Variants in ATG7 observed in about 807,000 individuals in gnomAD.
ATG7 encodes the protein ubiquitin-like modifier-activating enzyme ATG7.
Under a neutral mutation model 82.4 loss-of-function variants are expected in ATG7, and 70 were observed. That is an observed-to-expected ratio of 0.85 (90% CI 0.70 to 1.04). ATG7 has a LOEUF of 1.04. ATG7 is among the 50% of genes least tolerant of loss of function. ATG7 has a pLI of 0.00. For missense variants in ATG7, 792 were observed against 864.3 expected (o/e 0.92, Z 1.05); for synonymous variants, 287 against 313.0 (o/e 0.92, Z 0.88).
chr3:11,423,480 C>T lies in ATG7; in HGVS notation c.1957-3324C>T, dbSNP rs540102708. ...TTGCCACAACTTTCAATTTTTTTTT[C>T]TTTTGTAATCACTAAACACATAGTA... On this transcript the variant is annotated intron_variant, in intron 19 of 20. Coordinates refer to ENST00000693202, the MANE Select transcript of ATG7 (RefSeq NM_001349232.2). Among the ~76,000 whole-genome samples, 23 of 151,864 alleles carry T rather than the reference C, an allele frequency of 1.5e-4. No individual in the cohort carries two copies. In the South Asian group the frequency reaches 3.5e-3, roughly 23 times the overall value.
intron 20 of ATG7, among the ~76,000 whole-genome samples, chr3:11,519,539 G>GTTTTT (rs574523805): frequency 4.8e-5 from 3 of 62,210 alleles, no homozygotes; most frequent in South Asian, 8.9e-4. Flanking sequence ...AGTGAGAGGA[G>GTTTTT]TTTTTTTTTT....
At chr3:11,390,554 T>A (rs1248895058) in intron 19 of ATG7, among the ~76,000 whole-genome samples, 1 of 152,218 alleles carries the variant, frequency 6.6e-6, no homozygotes, top group Non-Finnish European at 1.5e-5. Flanking sequence ...GACTGTATGT[T>A]TCTGTTGGGC....
intron 1 of ATG7, among the ~76,000 whole-genome samples, chr3:11,274,349 G>A (rs1941233407): frequency 6.6e-6 from 1 of 152,098 alleles, no homozygotes. Context: ...ATGGCATGAA[G>A]CTATTGCGGA....
At chr3:11,350,404 G>A (rs1383731708) in intron 14 of ATG7, among the ~76,000 whole-genome samples, 2 of 152,174 alleles carry the variant, frequency 1.3e-5, no homozygotes, top group African/African-American at 4.8e-5. Context: ...TCATGTTCAT[G>A]GGTGTGCAGG....
intron 19 of ATG7, among the ~76,000 whole-genome samples, chr3:11,399,609 C>G (rs928758600): frequency 2.0e-5 from 3 of 152,000 alleles, no homozygotes; most frequent in African/African-American, 7.3e-5. Flanking sequence ...CAGTCTCACT[C>G]TATCGCCCAG....
intron 9 of ATG7, among the ~76,000 whole-genome samples, chr3:11,319,569 T>A (rs1949932744): frequency 6.6e-6 from 1 of 152,196 alleles, no homozygotes; most frequent in Non-Finnish European, 1.5e-5. Flanking sequence ...GTAATTCAAT[T>A]TTCTCTCACC....
At chr3:11,490,635 G>C (rs562438499) in intron 20 of ATG7, among the ~76,000 whole-genome samples, 271 of 143,828 alleles carry the variant, frequency 1.9e-3, no homozygotes, top group East Asian at 6.2e-3. Flanking sequence ...ATGTTTAGTG[G>C]TTCCTTCAGG....
In ATG7 at chr3:11,339,112, C is replaced by T. The variant is rs575782917; in HGVS notation, c.890-1533C>T. Among the ~76,000 whole-genome samples, 28 of 151,958 alleles carry T rather than the reference C, an allele frequency of 1.8e-4. 1 individual carries two copies. Among genetic ancestry groups the T allele is most frequent in the South Asian group, 1.7e-3 (8 of 4,816 alleles). On this transcript the variant is annotated intron_variant, in intron 11 of 20. Coordinates refer to ENST00000693202, the MANE Select transcript of ATG7 (RefSeq NM_001349232.2). ...GAGATCAAGACCATCCTGGCTAACA[C>T]GGTAAAGCACCATCTCTACTGAAAA...
intron 3 of ATG7, among the ~76,000 whole-genome samples, chr3:11,295,556 T>C (rs970995032): frequency 6.6e-6 from 1 of 152,204 alleles, no homozygotes; most frequent in African/African-American, 2.4e-5. Flanking sequence ...TTTTAAGCAA[T>C]CTACAATGAA....
intron 19 of ATG7, among the ~76,000 whole-genome samples, chr3:11,381,706 C>T (rs1201978215): frequency 2.6e-5 from 4 of 152,128 alleles, no homozygotes; most frequent in East Asian, 1.9e-4. Context: ...ACATGTTGGA[C>T]GATTTAATAC....
At chr3:11,564,662 A>ATCCCTCACCACCTCCC in the ATG7 span, 61,471 of 934,792 alleles carry the variant, frequency 0.066, 3,716 homozygotes, top group South Asian at 0.13. Flanking sequence ...GAAGGGTGGC[A>ATCCCTCACCACCTCCC]TCCCTCACCA....
At chr3:11,321,775 T>C (rs1383526148) in intron 9 of ATG7, among the ~76,000 whole-genome samples, 1 of 152,230 alleles carries the variant, frequency 6.6e-6, no homozygotes, top group African/African-American at 2.4e-5. Flanking sequence ...CTGTGAGAAC[T>C]AAGAATCATT....
intron 19 of ATG7, among the ~76,000 whole-genome samples, chr3:11,380,616 G>A (rs886154235): frequency 2.0e-5 from 3 of 152,146 alleles, no homozygotes; most frequent in Admixed American, 6.5e-5. Flanking sequence ...ATGGCATCTC[G>A]TGTTTTAATA....
chr3:11,396,974 A>T (rs747172949), intron 19 of ATG7, among the ~76,000 whole-genome samples: 3 of 152,134 alleles, frequency 2.0e-5, no homozygotes, highest in Non-Finnish European at 1.5e-5. Flanking sequence ...GAAAAATTGT[A>T]TAACTTCTGA....
rs189225919 is a variant in ATG7 at position 11,342,660 on chromosome 3, A to G, written c.1125+381A>G. Among the ~76,000 whole-genome samples the G allele has an allele frequency of 5.2e-3, 794 of 152,248 alleles. 8 individuals are homozygous for G. The highest frequency in any genetic ancestry group is 6.8e-3 in the Non-Finnish European group (460 of 68,014). ...ATAACAGGTTTTTATTTTTAACTAGATAGAAAAATGACTGTAGCTACCTTT... is the reference window on the plus strand; with the variant it reads ...ATAACAGGTTTTTATTTTTAACTAGGTAGAAAAATGACTGTAGCTACCTTT... On this transcript the variant is annotated intron_variant, in intron 13 of 20. Transcript: ENST00000693202.
chr3:11,570,200 T>C, the ATG7 span, among the ~76,000 whole-genome samples: 1 of 151,960 alleles, frequency 6.6e-6, no homozygotes, highest in Non-Finnish European at 1.5e-5. Flanking sequence ...ACACCGGCCC[T>C]GTGGCATCAG....
chr3:11,320,986 C>A (rs141713010), intron 9 of ATG7, among the ~76,000 whole-genome samples: 1 of 152,180 alleles, frequency 6.6e-6, no homozygotes, highest in Non-Finnish European at 1.5e-5. Context: ...TGGTTACTGG[C>A]GTGACAGGAG....
At chr3:11,541,824 C>T (rs894567202) in intron 20 of ATG7, among the ~76,000 whole-genome samples, 33 of 152,312 alleles carry the variant, frequency 2.2e-4, no homozygotes, top group Middle Eastern at 3.4e-3. Flanking sequence ...TTCTAAGGAA[C>T]TGGAAATAAG....
rs61176051 is a variant in ATG7 at position 11,378,027 on chromosome 3, A to ATT, written c.1876-1928_1876-1927dup. Among the ~76,000 whole-genome samples the ATT allele has an allele frequency of 4.9e-4, 45 of 92,726 alleles. 9 individuals are homozygous for ATT. In the East Asian group the frequency reaches 6.8e-3, roughly 14 times the overall value. The allele number at this position is 92,726 out of a possible 152,430, so 60.8% of individuals were successfully genotyped here. The stretch of plus-strand genomic sequence containing the variant: ...GCTATCTAACTTATACCAGTTACCA[A>ATT]TTTTTTTTTTTTTTTTTTGAGATGG... On this transcript the variant is annotated intron_variant, in intron 18 of 20. Coordinates refer to ENST00000693202, the MANE Select transcript of ATG7 (RefSeq NM_001349232.2).
Sources: allele counts gnomAD v4.1 joint callset (sites outside exome capture counted in the v4.1 genomes callset), GRCh38; gene constraint gnomAD v4.1.1; transcripts MANE v1.5; gene names NCBI Gene and HGNC (gene_info 2026-07-23, HGNC 2026-07-21).